The following SDK1 variants were observed in gnomAD, a reference collection of about 807,000 sequenced individuals.
The protein encoded by SDK1 is sidekick cell adhesion molecule 1.
A neutral mutation model predicts 245.5 loss-of-function variants in SDK1; 157 were observed. That is an observed-to-expected ratio of 0.64 (90% CI 0.56 to 0.73). SDK1 has a LOEUF of 0.73. Ranked by LOEUF, SDK1 falls within the 30% of genes least tolerant of loss-of-function variation. The pLI, the probability that SDK1 is intolerant of heterozygous loss-of-function variation, is 0.00. For synonymous variants in SDK1, 1,647 were observed against 1,278.5 expected (o/e 1.29, Z -6.15); for missense variants, 3,583 against 3,002.3 (o/e 1.19, Z -4.52).
intron 1 of SDK1, among the ~76,000 whole-genome samples, chr7:3,554,311 A>G (rs1779515493): frequency 1.3e-5 from 2 of 152,228 alleles, no homozygotes; most frequent in African/African-American, 2.4e-5. Context: ...AAAACCTTCA[A>G]ACAGGTAAAA....
At chr7:3,562,146 G>A (rs1213912942) in intron 1 of SDK1, among the ~76,000 whole-genome samples, 1 of 152,178 alleles carries the variant, frequency 6.6e-6, no homozygotes, top group South Asian at 2.1e-4. Context: ...GAACTTGGAT[G>A]TTTCGGAAAC....
In SDK1 at chr7:3,877,418, G is replaced by C. The variant is rs574303581; in HGVS notation, c.847+55835G>C. Among the ~76,000 whole-genome samples the C allele has an allele frequency of 2.6e-5, 4 of 152,324 alleles. No individual in the cohort carries two copies. In the South Asian group the frequency reaches 8.3e-4, roughly 32 times the overall value. On this transcript the variant is annotated intron_variant, in intron 5 of 44. Transcript: ENST00000404826. ...TGTTAAACGTTCGACATCTCAAAGA[G>C]AGAACAACCGTGTTCCCTCTCCACC...
rs550305359 is a variant in SDK1, at chr7:3,647,453, C to T, written c.713+5348C>T. On this transcript the variant is annotated intron_variant, in intron 4 of 44. Coordinates refer to ENST00000404826, the MANE Select transcript of SDK1 (RefSeq NM_152744.4). ...GTTTTGAAAGTTGGAGACAGTCTTG[C>T]TCTGTCTCCCATGCTGGAGTGAAGT... 9.9e-5 allele frequency among the ~76,000 whole-genome samples: 15 copies of T among 152,280 alleles called. No individual in the cohort carries two copies. The East Asian group carries it at 2.3e-3, about 24-fold the overall frequency.
At position 3,903,152 on chromosome 7, in the gene SDK1, T is replaced by TTG. The variant is rs200197673; in HGVS notation, c.848-47770_848-47769insGT. The stretch of plus-strand genomic sequence containing the variant: ...TTGTGGTTTTGTTTTTTGTTTTGTT[T>TTG]TTTTTTTTTTGAGACAGACGAGACT... On this transcript the variant is annotated intron_variant, in intron 5 of 44. Coordinates refer to ENST00000404826, the MANE Select transcript of SDK1 (RefSeq NM_152744.4). Among the ~76,000 whole-genome samples the TTG allele has an allele frequency of 3.1e-4, 47 of 151,312 alleles. No individual in the cohort carries two copies. In the South Asian group the frequency reaches 4.8e-3, roughly 15 times the overall value.
At chr7:3,504,176 A>ATGTGTG (rs1453810894) in intron 1 of SDK1, among the ~76,000 whole-genome samples, 47 of 58,358 alleles carry the variant, frequency 8.1e-4, no homozygotes, top group African/African-American at 2.8e-3. Flanking sequence ...AATTATATAT[A>ATGTGTG]TATATATGTG....
intron 32 of SDK1, among the ~76,000 whole-genome samples, chr7:4,173,187 G>A (rs927847702): frequency 2.0e-5 from 3 of 152,190 alleles, no homozygotes; most frequent in African/African-American, 7.2e-5. Flanking sequence ...CCATCTTCTG[G>A]TCACAGCTTA....
chr7:3,375,544 C>T (rs556704276), intron 1 of SDK1, among the ~76,000 whole-genome samples: 3 of 152,296 alleles, frequency 2.0e-5, no homozygotes, highest in South Asian at 4.2e-4. Flanking sequence ...TAGTGTGTGA[C>T]TTCCAAGGGT....
At chr7:3,766,978 C>G (rs769918594) in intron 4 of SDK1, among the ~76,000 whole-genome samples, 1 of 152,058 alleles carries the variant, frequency 6.6e-6, no homozygotes. Context: ...GTTTTCGTAG[C>G]TATTTGGATT....
chr7:3,930,692 C>A (rs1204918952), intron 5 of SDK1, among the ~76,000 whole-genome samples: 2 of 152,166 alleles, frequency 1.3e-5, no homozygotes. Flanking sequence ...ACTTGGGAGG[C>A]TGAGGCAAGA....
chr7:3,619,246 G>C lies in SDK1; in HGVS notation c.458+7G>C, dbSNP rs193290252. On this transcript the variant is annotated splice_region_variant and intron_variant, in intron 2 of 44. Coordinates refer to ENST00000404826, the MANE Select transcript of SDK1 (RefSeq NM_152744.4). ...CCTACAGCAGCGAATATAAGTAATT[G>C]ATCGCTTGAAAAAATAAGATCCCAT... 1.4e-5 allele frequency: 23 copies of C among 1,592,150 alleles called. No individual in the cohort carries two copies. The African/African-American group carries it at 1.9e-4, about 13-fold the overall frequency.
intron 4 of SDK1, among the ~76,000 whole-genome samples, chr7:3,798,831 A>G (rs556008587): frequency 2.0e-5 from 3 of 152,118 alleles, no homozygotes; most frequent in Non-Finnish European, 4.4e-5. Context: ...AACTACCACA[A>G]AAAATTAATT....
intron 5 of SDK1, among the ~76,000 whole-genome samples, chr7:3,939,130 G>A (rs544465215): frequency 2.0e-5 from 3 of 152,318 alleles, no homozygotes; most frequent in East Asian, 1.9e-4. Context: ...GGCAGGAAAC[G>A]AGAAGAACCT....
chr7:4,196,333 C>G (rs1487534120), intron 35 of SDK1, among the ~76,000 whole-genome samples: 3 of 152,220 alleles, frequency 2.0e-5, no homozygotes, highest in Non-Finnish European at 2.9e-5. Flanking sequence ...GCTGGGTCCC[C>G]ACACCCTGTG....
intron 5 of SDK1, among the ~76,000 whole-genome samples, chr7:3,874,211 G>A (rs1781021122): frequency 6.6e-6 from 1 of 152,156 alleles, no homozygotes; most frequent in Non-Finnish European, 1.5e-5. Flanking sequence ...CGAGGCCTAA[G>A]TTTCTCTAGT....
At chr7:3,468,769 C>A (rs1465152485) in intron 1 of SDK1, among the ~76,000 whole-genome samples, 2 of 152,154 alleles carry the variant, frequency 1.3e-5, no homozygotes, top group African/African-American at 4.8e-5. Context: ...TTTTGTTAAT[C>A]TTAAGCATAA....
At chr7:3,865,627 G>C (rs905035954) in intron 5 of SDK1, among the ~76,000 whole-genome samples, 1 of 151,898 alleles carries the variant, frequency 6.6e-6, no homozygotes, top group African/African-American at 2.4e-5. Context: ...TCCCACCTCA[G>C]CCCCTCAAGT....
chr7:3,426,130 C>T (rs914845530), intron 1 of SDK1, among the ~76,000 whole-genome samples: 2 of 152,298 alleles, frequency 1.3e-5, no homozygotes, highest in East Asian at 3.9e-4. Flanking sequence ...ACAGGTTGGT[C>T]AGGAGATAAG....
chr7:4,255,580 G>T lies in SDK1; in HGVS notation c.6382-9544G>T, dbSNP rs1318095219. ...TACAGGCTCCCAGCTTACAAGCAAAGGCTGGATGCGGGACAGGAGCCCCAG... is the reference window on the plus strand; with the variant it reads ...TACAGGCTCCCAGCTTACAAGCAAATGCTGGATGCGGGACAGGAGCCCCAG... On this transcript the variant is annotated intron_variant, in intron 44 of 44. Transcript: ENST00000404826. Among the ~76,000 whole-genome samples, 3 of 152,148 alleles carry T rather than the reference G, an allele frequency of 2.0e-5. No homozygotes were observed. In the East Asian group the frequency reaches 5.8e-4, roughly 29 times the overall value.
chr7:3,667,390 C>G (rs370781308), intron 4 of SDK1, among the ~76,000 whole-genome samples: 234 of 152,262 alleles, frequency 1.5e-3, no homozygotes, highest in African/African-American at 5.5e-3. Context: ...ATGGAAAAGT[C>G]TTCCTCCCAA....
Sources: gnomAD v4.1 joint callset for allele counts (sites outside exome capture counted in the v4.1 genomes callset) on GRCh38, gnomAD v4.1.1 for gene constraint, MANE v1.5 for transcripts, NCBI Gene and HGNC (gene_info 2026-07-23, HGNC 2026-07-21) for gene names.